The following FER1L5 variants were observed in gnomAD, a reference collection of about 807,000 sequenced individuals.
FER1L5 encodes fer-1 like family member 5.
In FER1L5, 187 loss-of-function variants were observed where a neutral mutation model predicts 279.9. The observed-to-expected ratio is 0.67, with a 90% CI of 0.59 to 0.75. FER1L5 has a LOEUF of 0.75. Ranked by LOEUF, FER1L5 falls within the 30% of genes least tolerant of loss-of-function variation. The pLI is 0.00. For synonymous variants in FER1L5, 921 were observed against 989.7 expected (o/e 0.93, Z 1.30); for missense variants, 2,091 against 2,594.4 (o/e 0.81, Z 4.21).
At chr2:96,681,896 C>T (rs1573903339) in intron 19 of FER1L5, among the ~76,000 whole-genome samples, 2 of 149,922 alleles carry the variant, frequency 1.3e-5, no homozygotes, top group African/African-American at 2.5e-5. Context: ...AGCAATTCTC[C>T]TGCCTCAGCC....
At position 96,700,560 on chromosome 2, in the gene FER1L5, G is replaced by A. The variant is rs561791948; in HGVS notation, c.5070+89G>A. 1.0e-4 allele frequency: 157 copies of A among 1,567,100 alleles called. No individual in the cohort carries two copies. In the African/African-American group the frequency reaches 1.0e-3, roughly 10 times the overall value. The stretch of plus-strand genomic sequence containing the variant: ...CCTGTCCACCCAGGACATAGTCCAC[G>A]AGAGGAGAAGGACAGGCCAAACATT... On this transcript the variant is annotated intron_variant, in intron 45 of 52. Transcript: ENST00000624922.
intron 1 of FER1L5, among the ~76,000 whole-genome samples, chr2:96,643,345 A>AT (rs2074964692): frequency 6.6e-6 from 1 of 151,968 alleles, no homozygotes; most frequent in African/African-American, 2.4e-5. Flanking sequence ...CATTATTATT[A>AT]TTTTTTATTT....
Position 96,698,225 on chromosome 2 carries a change from A to C in FER1L5, c.4356+69A>C. 1 of 1,506,764 alleles carries C rather than the reference A, an allele frequency of 6.6e-7. No homozygotes were observed. Among genetic ancestry groups the C allele is most frequent in the South Asian group, 1.3e-5 (1 of 78,084 alleles). 93.3% of individuals were successfully genotyped at this position (1,506,764 alleles called of 1,614,324 possible). ...CCTTCTGTCCCTGGAAAACGAATAA[A>C]AGCCCTGGCTCTATATGCTCATTGT... On this transcript the variant is annotated intron_variant, in intron 40 of 52. Coordinates refer to ENST00000624922, the MANE Select transcript of FER1L5 (RefSeq NM_001293083.2). The surrounding 1 kb of genome is among the most constrained non-coding windows in gnomAD (Gnocchi z 5.5).
chr2:96,675,399 A>G (rs746177311), intron 19 of FER1L5, among the ~76,000 whole-genome samples: 1 of 152,112 alleles, frequency 6.6e-6, no homozygotes, highest in Non-Finnish European at 1.5e-5. Flanking sequence ...AGTACTTGAT[A>G]TTGCCCAGCC....
chr2:96,649,796 C>A, intron 5 of FER1L5, 119 bp downstream of exon 5: 2 of 1,005,468 alleles, frequency 2.0e-6, no homozygotes, highest in Non-Finnish European at 3.0e-6. Flanking sequence ...AGGAATGTGA[C>A]CAGGCTAGGG....
chr2:96,655,571 G>A (rs1558846944), intron 9 of FER1L5, among the ~76,000 whole-genome samples: 1 of 152,132 alleles, frequency 6.6e-6, no homozygotes, highest in African/African-American at 2.4e-5. Flanking sequence ...AAAACATAGA[G>A]AGACAGAGAT....
chr2:96,692,230 G>A (rs769284168), intron 31 of FER1L5, 49 bp downstream of exon 31: 4 of 1,541,268 alleles, frequency 2.6e-6, no homozygotes, highest in Non-Finnish European at 2.6e-6. Context: ...GCCTCAGGGA[G>A]GAGAGCAGGG....
chr2:96,700,357 T>C lies in FER1L5; in HGVS notation c.4956T>C (p.Gly1652=). The C allele has an allele frequency of 1.9e-6, 3 of 1,613,588 alleles. No homozygotes were observed. Among genetic ancestry groups the C allele is most frequent in the Non-Finnish European group, 1.7e-6 (2 of 1,179,872 alleles). Residue 1652 remains glycine, a synonymous_variant, in exon 45 of 53, where the codon GGT becomes GGC. Transcript: ENST00000624922. The stretch of plus-strand genomic sequence containing the variant: ...AGCCCAAAACCCCTACTGTTCATGG[T>C]TTGGGACCCAAGAAGGAACGCCTTG... ...SFEPKTPTVH[G]LGPKKERLAL... is the part of the protein sequence containing the mutation.
chr2:96,696,371 C>A (rs1470078639), intron 37 of FER1L5, among the ~76,000 whole-genome samples: 2 of 152,094 alleles, frequency 1.3e-5, no homozygotes, highest in African/African-American at 2.4e-5. Flanking sequence ...TGGCTCACTG[C>A]AACCTCCGCC....
rs1017798921 is a variant in FER1L5 at position 96,693,377 on chromosome 2, G to A, written c.3293-129G>A. ...TGCAGCTGACTCTGAGGGGGCCTCT[G>A]GGAGGCCTCAGTGGCTGCCCTGCCT... On this transcript the variant is annotated intron_variant, in intron 31 of 52. Transcript: ENST00000624922. The A allele has an allele frequency of 3.7e-5, 32 of 864,934 alleles. No homozygotes were observed. The Middle Eastern group carries it at 1.1e-3, about 29-fold the overall frequency. The allele number at this position is 864,934 out of a possible 1,614,324, so 53.6% of individuals were successfully genotyped here. A position where few individuals can be genotyped will look rare whatever the true frequency, so the allele number is the denominator to read the frequency against.
chr2:96,677,861 G>A (rs1274566920), intron 19 of FER1L5, among the ~76,000 whole-genome samples: 21 of 144,752 alleles, frequency 1.5e-4, no homozygotes, highest in African/African-American at 3.1e-4. Context: ...GCGAAACTCC[G>A]TCTCAAAAAA....
chr2:96,704,764 T>C lies in FER1L5; in HGVS notation c.*72T>C. On this transcript the variant is annotated 3_prime_UTR_variant, in exon 53 of 53. Coordinates refer to ENST00000624922, the MANE Select transcript of FER1L5 (RefSeq NM_001293083.2). ...CTTGGGCTGGCTACCAGTTCTTTGT[T>C]TCTATCTTCTAGAATATATGCAAGA... 1 of 1,167,992 alleles carries C rather than the reference T, an allele frequency of 8.6e-7. No individual in the cohort carries two copies. Among genetic ancestry groups the C allele is most frequent in the Non-Finnish European group, 1.3e-6 (1 of 790,902 alleles). The allele number at this position is 1,167,992 out of a possible 1,614,324, so 72.4% of individuals were successfully genotyped here. A position where few individuals can be genotyped will look rare whatever the true frequency, so the allele number is the denominator to read the frequency against.
chr2:96,682,202 T>A (rs2076755434), intron 19 of FER1L5, among the ~76,000 whole-genome samples: 1 of 152,210 alleles, frequency 6.6e-6, no homozygotes, highest in Non-Finnish European at 1.5e-5. Context: ...TTCTCCTGCC[T>A]CAGCCTCCCA....
intron 12 of FER1L5, 122 bp from the exon 13 acceptor site, chr2:96,662,093 G>C: frequency 1.0e-6 from 1 of 991,960 alleles, no homozygotes; most frequent in Non-Finnish European, 1.5e-6. Context: ...CTGGAGACAG[G>C]TCTGCCCAGG....
rs1157536693 is a variant in FER1L5 at position 96,673,175 on chromosome 2, C to G, written c.1590C>G (p.Ile530Met). ...FKELIHFEVS[I>M]GHYGNKMDLN... Reference sequence around the variant, plus strand: ...AGCTGATCCATTTCGAGGTCAGCATCGGTCACTATGGGAACAAGATGGACC... The same window carrying G: ...AGCTGATCCATTTCGAGGTCAGCATGGGTCACTATGGGAACAAGATGGACC... Residue 530 changes from isoleucine (I) to methionine (M), a missense_variant, in exon 19 of 53, where the codon ATC becomes ATG. Coordinates refer to ENST00000624922, the MANE Select transcript of FER1L5 (RefSeq NM_001293083.2). 1 of 1,551,526 alleles carries G rather than the reference C, an allele frequency of 6.4e-7. No homozygotes were observed.
intron 21 of FER1L5, among the ~76,000 whole-genome samples, chr2:96,685,733 G>A (rs574202093): frequency 7.0e-4 from 107 of 152,326 alleles, no homozygotes; most frequent in Non-Finnish European, 1.3e-3. Context: ...TGGGAGGAAG[G>A]GAGAGGACTG....
At chr2:96,686,948 C>T (rs978443409) in intron 23 of FER1L5, among the ~76,000 whole-genome samples, 11 of 152,108 alleles carry the variant, frequency 7.2e-5, no homozygotes, top group South Asian at 2.1e-4. Flanking sequence ...GTCATCTCTT[C>T]CCTGGACCGT....
Position 96,702,344 on chromosome 2 carries a change from T to G in FER1L5, c.5198T>G (p.Val1733Gly). The G allele has an allele frequency of 6.2e-7, 1 of 1,613,098 alleles. No individual in the cohort carries two copies. The highest frequency in any genetic ancestry group is 8.5e-7 in the Non-Finnish European group (1 of 1,179,646). Residue 1733 changes from valine to glycine, a missense_variant, in exon 47 of 53, where the codon GTG becomes GGG. By Grantham distance (109) the Val-to-Gly change is moderately radical. Transcript: ENST00000624922. This position sits in a 1 kb window ranked among gnomAD's most constrained non-coding sequence, Gnocchi z 4.0. ...TGCATCATCTGGAAGACTGCCAATG[T>G]GGACCTGGTGGATGACAATTTAAGT... is the stretch of plus-strand genomic sequence containing the variant. ...LRCIIWKTANVDLVDDNLSRE... is the reference protein window; with the variant it reads ...LRCIIWKTANGDLVDDNLSRE...
chr2:96,699,477 G>A lies in FER1L5; in HGVS notation c.4611-73G>A, dbSNP rs866546055. 56 of 1,516,904 alleles carry A rather than the reference G, an allele frequency of 3.7e-5. No individual in the cohort carries two copies. In the Middle Eastern group the frequency reaches 1.6e-3, roughly 42 times the overall value. The allele number at this position is 1,516,904 out of a possible 1,614,324, so 94.0% of individuals were successfully genotyped here. ...GAACAAACAAGGGGCCTACGGGGCCGAGACACCGGTGAGGGAGGGGGGCAC... is the reference window on the plus strand; with the variant it reads ...GAACAAACAAGGGGCCTACGGGGCCAAGACACCGGTGAGGGAGGGGGGCAC... On this transcript the variant is annotated intron_variant, in intron 42 of 52. Coordinates refer to ENST00000624922, the MANE Select transcript of FER1L5 (RefSeq NM_001293083.2).
Sources: allele counts gnomAD v4.1 joint callset (sites outside exome capture counted in the v4.1 genomes callset), GRCh38; gene constraint gnomAD v4.1.1; non-coding constraint Gnocchi (gnomAD v3.1); transcripts MANE v1.5; gene names NCBI Gene and HGNC (gene_info 2026-07-23, HGNC 2026-07-21).